The following VWA3B variants were observed in gnomAD, a reference collection of about 807,000 sequenced individuals.
The protein encoded by VWA3B is von Willebrand factor A domain-containing protein 3B.
In VWA3B, 138 loss-of-function variants were observed where a neutral mutation model predicts 158.3. The ratio of observed to expected loss-of-function variants is 0.87; its 90% CI spans 0.76 to 1.00. VWA3B has a LOEUF of 1.00. VWA3B is among the 50% of genes least tolerant of loss of function. The pLI, the probability that VWA3B is intolerant of heterozygous loss-of-function variation, is 0.00. For missense variants in VWA3B, 1,555 were observed against 1,565.1 expected (o/e 0.99, Z 0.11); for synonymous variants, 596 against 587.3 (o/e 1.01, Z -0.21).
At chr2:98,140,304 T>C (rs1676673727) in intron 7 of VWA3B, among the ~76,000 whole-genome samples, 1 of 152,222 alleles carries the variant, frequency 6.6e-6, no homozygotes, top group African/African-American at 2.4e-5. Context: ...CATCCAGGAA[T>C]GCTCACCAGC....
downstream of VWA3B, among the ~76,000 whole-genome samples, chr2:98,315,901 C>T (rs770485880): frequency 5.9e-5 from 9 of 152,232 alleles, no homozygotes; most frequent in Admixed American, 1.3e-4. Flanking sequence ...AAATCATGAT[C>T]GATTAGAAGA....
chr2:98,174,111 T>C (rs1679818751), intron 8 of VWA3B, among the ~76,000 whole-genome samples: 1 of 152,196 alleles, frequency 6.6e-6, no homozygotes, highest in African/African-American at 2.4e-5. Flanking sequence ...TTCTCCTTCA[T>C]AGAAGGCATA....
At chr2:98,249,946 A>C (rs891144259) in intron 19 of VWA3B, among the ~76,000 whole-genome samples, 5 of 152,218 alleles carry the variant, frequency 3.3e-5, no homozygotes, top group African/African-American at 1.2e-4. Flanking sequence ...TTTACAAAGA[A>C]GCAACAATGA....
At chr2:98,210,678 G>T (rs372916093) in intron 12 of VWA3B, among the ~76,000 whole-genome samples, 1 of 152,122 alleles carries the variant, frequency 6.6e-6, no homozygotes, top group South Asian at 2.1e-4. Flanking sequence ...TGGGTGGGGT[G>T]GGGGCTGGAT....
At position 98,125,201 on chromosome 2, in the gene VWA3B, C is replaced by G. The variant is rs1359400058; in HGVS notation, c.703-3038C>G. 6.6e-6 allele frequency among the ~76,000 whole-genome samples: 1 copy of G among 152,204 alleles called. No homozygotes were observed. Among genetic ancestry groups the G allele is most frequent in the East Asian group, 1.9e-4 (1 of 5,196 alleles). On this transcript the variant is annotated intron_variant, in intron 5 of 27. Transcript: ENST00000477737. The surrounding 1 kb of genome is among the most constrained non-coding windows in gnomAD (Gnocchi z 4.1). ...AAGCCAAACAATCTCCTGGTCCCAA[C>G]TTTTGGTCAGTGATGTTGGTATCTG...
intron 21 of VWA3B, among the ~76,000 whole-genome samples, chr2:98,258,877 A>G (rs1687315130): frequency 6.6e-6 from 1 of 151,832 alleles, no homozygotes; most frequent in African/African-American, 2.4e-5. Flanking sequence ...ATTGAATAGC[A>G]GTGGTGAAAG....
intron 5 of VWA3B, among the ~76,000 whole-genome samples, chr2:98,123,629 C>A (rs902651237): frequency 2.0e-5 from 3 of 152,150 alleles, no homozygotes; most frequent in Admixed American, 6.5e-5. Flanking sequence ...TGTTGTGTCT[C>A]ATGAAAAGGA....
At chr2:98,238,551 T>C (rs1685861288) in intron 19 of VWA3B, among the ~76,000 whole-genome samples, 1 of 151,990 alleles carries the variant, frequency 6.6e-6, no homozygotes, top group Non-Finnish European at 1.5e-5. Flanking sequence ...TCCCAACAAC[T>C]TGAGGTAGAG....
chr2:98,150,060 A>G (rs1677499651), intron 7 of VWA3B, among the ~76,000 whole-genome samples: 1 of 152,252 alleles, frequency 6.6e-6, no homozygotes, highest in South Asian at 2.1e-4. Context: ...ATCAACTTTT[A>G]GGCCTCATAT....
chr2:98,321,531 A>C, the VWA3B span, among the ~76,000 whole-genome samples: 1 of 152,254 alleles, frequency 6.6e-6, no homozygotes. Context: ...GGGGAAGCTT[A>C]TCTCTTGCAT....
At chr2:98,208,280 G>A (rs1683187895) in intron 12 of VWA3B, among the ~76,000 whole-genome samples, 1 of 152,018 alleles carries the variant, frequency 6.6e-6, no homozygotes, top group Admixed American at 6.6e-5. Flanking sequence ...CCTGTAGACA[G>A]CATAAATCGG....
rs1397797673 is a variant in VWA3B, at chr2:98,115,717, T to C, written c.262T>C (p.Tyr88His). ...RYADGLFPQL[Y>H]RAEDGRVYNL... ...TGCTGATGGTCTGTTTCCACAGCTC[T>C]ACAGAGCAGAAGATGGCAGAGTATA... Residue 88 changes from tyrosine to histidine, a missense_variant, in exon 3 of 28, where the codon TAC becomes CAC. Transcript: ENST00000477737. 1.2e-6 allele frequency: 2 copies of C among 1,613,510 alleles called. No homozygotes were observed. Among genetic ancestry groups the C allele is most frequent in the African/African-American group, 1.3e-5 (1 of 74,926 alleles).
chr2:98,154,208 G>A (rs1677871694), intron 7 of VWA3B, among the ~76,000 whole-genome samples: 2 of 152,202 alleles, frequency 1.3e-5, no homozygotes. Flanking sequence ...TAGTTAACAA[G>A]CATTTATTAA....
chr2:98,115,506 G>T, intron 2 of VWA3B, 146 bp from the exon 3 acceptor site: 1 of 631,046 alleles, frequency 1.6e-6, no homozygotes, highest in Non-Finnish European at 2.8e-6. Context: ...AATACTTCAT[G>T]ATTTAGAACA....
rs1157997417 is a variant in VWA3B at position 98,301,607 on chromosome 2, A to C, written c.3420+1391A>C. Among the ~76,000 whole-genome samples, 6 of 152,002 alleles carry C rather than the reference A, an allele frequency of 3.9e-5. No homozygotes were observed. In the East Asian group the frequency reaches 1.2e-3, roughly 29 times the overall value. On this transcript the variant is annotated intron_variant, in intron 25 of 27. Transcript: ENST00000477737. ...CATCACTCAGATCCCTTCCTTCTAC[A>C]CTCCCCAGTGCCAGCGAGTGGGAAT...
rs142531799 is a variant in VWA3B, at chr2:98,124,704, G to A, written c.702+3246G>A. Among the ~76,000 whole-genome samples, 5 of 152,348 alleles carry A rather than the reference G, an allele frequency of 3.3e-5. No individual in the cohort carries two copies. The East Asian group carries it at 9.6e-4, about 29-fold the overall frequency. On this transcript the variant is annotated intron_variant, in intron 5 of 27. Transcript: ENST00000477737. ...GTTGACTTTCTTTTTGCTCTTTGAA[G>A]AGTGAAGATTTTTATACCTGGAAGC... is the stretch of plus-strand genomic sequence containing the variant.
At chr2:98,325,904 G>T in the VWA3B span, among the ~76,000 whole-genome samples, 1 of 152,150 alleles carries the variant, frequency 6.6e-6, no homozygotes, top group East Asian at 1.9e-4. Flanking sequence ...AAGTATGCTT[G>T]TTGCTTTCAC....
chr2:98,226,983 C>T (rs4500996), intron 14 of VWA3B, among the ~76,000 whole-genome samples: 21,380 of 152,142 alleles, frequency 0.14, 2,224 homozygotes, highest in East Asian at 0.48. Flanking sequence ...TGAAAACCAG[C>T]ACAAGATAAG....
intron 2 of VWA3B, among the ~76,000 whole-genome samples, chr2:98,093,839 G>A (rs1218561551): frequency 6.6e-6 from 1 of 151,982 alleles, no homozygotes; most frequent in Non-Finnish European, 1.5e-5. Flanking sequence ...CACTCTACTC[G>A]CTACTTCTAT....
Sources: gnomAD v4.1 joint callset for allele counts (sites outside exome capture counted in the v4.1 genomes callset) on GRCh38, gnomAD v4.1.1 for gene constraint, Gnocchi (gnomAD v3.1) non-coding constraint, MANE v1.5 for transcripts, NCBI Gene and HGNC (gene_info 2026-07-23, HGNC 2026-07-21) for gene names.